Variants in SULF1 observed in about 807,000 individuals in gnomAD.
The protein encoded by SULF1 is extracellular sulfatase Sulf-1.
Under a neutral mutation model 110.5 loss-of-function variants are expected in SULF1, and 46 were observed. That is an observed-to-expected ratio of 0.42 (90% CI 0.33 to 0.53). The LOEUF (loss-of-function observed/expected upper bound fraction) is 0.53, where lower values mean the gene tolerates loss of function less well. SULF1 is among the 20% of genes least tolerant of loss of function. The pLI, the probability that SULF1 is intolerant of heterozygous loss-of-function variation, is 0.12. For missense variants in SULF1, 941 were observed against 1,094.2 expected (o/e 0.86, Z 1.98); for synonymous variants, 371 against 387.1 (o/e 0.96, Z 0.49).
chr8:69,625,281 G>A lies in SULF1; in HGVS notation c.1850+1084G>A, dbSNP rs182479348. The stretch of plus-strand genomic sequence containing the variant: ...TGGTATCCTGTTCATGAGGGTGTGA[G>A]CATTGAAAACTGCCTTGAAAAGTGG... On this transcript the variant is annotated intron_variant, in intron 15 of 22. Coordinates refer to ENST00000402687, the MANE Select transcript of SULF1 (RefSeq NM_001128205.2). Among the ~76,000 whole-genome samples, 22 of 152,324 alleles carry A rather than the reference G, an allele frequency of 1.4e-4. No homozygotes were observed. In the East Asian group the frequency reaches 4.2e-3, roughly 29 times the overall value.
chr8:69,485,745 C>G (rs544316822), intron 1 of SULF1, among the ~76,000 whole-genome samples: 1 of 152,218 alleles, frequency 6.6e-6, no homozygotes, highest in Non-Finnish European at 1.5e-5. Context: ...CACTCCTGCC[C>G]TCTGGCATGT....
chr8:69,550,068 C>A (rs970129261), intron 3 of SULF1, among the ~76,000 whole-genome samples: 1 of 151,416 alleles, frequency 6.6e-6, no homozygotes, highest in African/African-American at 2.4e-5. Context: ...CTCATTTTTG[C>A]CCCCCAAAAT....
At chr8:69,526,798 A>AAAGGAAGT (rs1812705521) in intron 3 of SULF1, among the ~76,000 whole-genome samples, 1 of 112,198 alleles carries the variant, frequency 8.9e-6, no homozygotes, top group Non-Finnish European at 1.8e-5. Flanking sequence ...GTCAAGAAAG[A>AAAGGAAGT]AAGGAAGGAA....
At chr8:69,507,001 A>C (rs1295857185) in intron 3 of SULF1, among the ~76,000 whole-genome samples, 3 of 152,224 alleles carry the variant, frequency 2.0e-5, no homozygotes, top group African/African-American at 7.2e-5. Flanking sequence ...CCGTGCTCAC[A>C]TGAAACTATT....
intron 3 of SULF1, 46 bp downstream of exon 3, chr8:69,502,014 G>C (rs1810831970): frequency 2.6e-5 from 4 of 152,150 alleles, no homozygotes. Flanking sequence ...GGACCACCTG[G>C]GCACTCTATG....
intron 1 of SULF1, among the ~76,000 whole-genome samples, chr8:69,468,118 C>T (rs796770543): frequency 1.3e-5 from 2 of 152,302 alleles, no homozygotes; most frequent in Admixed American, 6.5e-5. Context: ...ACTTGCCCTC[C>T]GATAGCAACA....
chr8:69,557,716 A>G (rs16919161), intron 3 of SULF1, among the ~76,000 whole-genome samples: 2,673 of 152,308 alleles, frequency 0.018, 74 homozygotes, highest in African/African-American at 0.061. Context: ...CTCACCATAC[A>G]CCAGGGATAA....
intron 22 of SULF1, among the ~76,000 whole-genome samples, chr8:69,645,899 TATTA>T (rs1157916476): frequency 1.3e-5 from 2 of 151,670 alleles, no homozygotes; most frequent in African/African-American, 4.8e-5. Context: ...TAATTATTTA[TATTA>T]ATTATTATTT....
upstream of SULF1, among the ~76,000 whole-genome samples, chr8:69,491,021 C>A (rs964627841): frequency 2.0e-5 from 3 of 152,112 alleles, no homozygotes; most frequent in African/African-American, 7.2e-5. Flanking sequence ...TTCTTTAAAA[C>A]CTGAATTGGT....
In SULF1 at chr8:69,627,789, T is replaced by TA; in HGVS notation, c.1969dup (p.Ile657AsnfsTer2). 1 of 1,611,456 alleles carries TA rather than the reference T, an allele frequency of 6.2e-7. No individual in the cohort carries two copies. The highest frequency in any genetic ancestry group is 1.1e-5 in the South Asian group (1 of 90,258). On this transcript the variant is annotated frameshift_variant, in exon 17 of 23. Coordinates refer to ENST00000402687, the MANE Select transcript of SULF1 (RefSeq NM_001128205.2). LOFTEE classifies it high-confidence loss of function. ...TTTTCCAGATTGAAGCTCTGCAAGA[T>TA]AAAATTAAGAATTTAAGAGAAGTGA...
At chr8:69,477,363 T>A (rs1809342581) in intron 1 of SULF1, among the ~76,000 whole-genome samples, 1 of 152,208 alleles carries the variant, frequency 6.6e-6, no homozygotes, top group South Asian at 2.1e-4. Flanking sequence ...TCATCTAACA[T>A]TCTGGTGAAC....
chr8:69,584,048 C>G (rs1156437546), intron 6 of SULF1, among the ~76,000 whole-genome samples: 1 of 152,130 alleles, frequency 6.6e-6, no homozygotes, highest in Non-Finnish European at 1.5e-5. Flanking sequence ...GGATTTTGTC[C>G]AAACTCAAAG....
intron 1 of SULF1, among the ~76,000 whole-genome samples, chr8:69,483,812 A>G (rs1316113998): frequency 6.6e-6 from 1 of 152,160 alleles, no homozygotes; most frequent in Admixed American, 6.5e-5. Flanking sequence ...AAACAAAAAC[A>G]TTCTCTTAAA....
chr8:69,515,326 G>T (rs939352774), intron 3 of SULF1, among the ~76,000 whole-genome samples: 2 of 152,222 alleles, frequency 1.3e-5, no homozygotes, highest in African/African-American at 4.8e-5. Flanking sequence ...CTTGGGGCTT[G>T]CATCCTCTGA....
chr8:69,591,409 T>A (rs1051287745), intron 8 of SULF1, among the ~76,000 whole-genome samples: 40 of 148,744 alleles, frequency 2.7e-4, no homozygotes, highest in African/African-American at 9.4e-4. Flanking sequence ...AAAAAAAAAA[T>A]AAAAATTAGC....
chr8:69,629,577 AAGG>A lies in SULF1; in HGVS notation c.2185_2187del (p.Glu729del). 6.2e-7 allele frequency: 1 copy of A among 1,614,050 alleles called. No homozygotes were observed. The highest frequency in any genetic ancestry group is 2.2e-5 in the East Asian group (1 of 44,874). On this transcript the variant is annotated inframe_deletion, in exon 19 of 23. Coordinates refer to ENST00000402687, the MANE Select transcript of SULF1 (RefSeq NM_001128205.2). Reference sequence around the variant, plus strand: ...CAACCGTAGGAGGAAGAAGGAGAGGAAGGAGAAGAGACGGCAGAGGAAGGGGGA... The same window carrying A: ...CAACCGTAGGAGGAAGAAGGAGAGGAAGAAGAGACGGCAGAGGAAGGGGGA...
At chr8:69,514,099 A>ATTCAGC in intron 3 of SULF1, among the ~76,000 whole-genome samples, 1 of 152,256 alleles carries the variant, frequency 6.6e-6, no homozygotes, top group South Asian at 2.1e-4. Context: ...TTGCTGACTG[A>ATTCAGC]ACTCTAAGAT....
intron 13 of SULF1, among the ~76,000 whole-genome samples, chr8:69,606,391 A>G (rs1808221736): frequency 6.6e-6 from 1 of 152,244 alleles, no homozygotes; most frequent in Admixed American, 6.5e-5. Flanking sequence ...AAATATTATT[A>G]TGAATAAAAC....
At chr8:69,630,796 T>C (rs13252661) in intron 19 of SULF1, among the ~76,000 whole-genome samples, 38,532 of 152,160 alleles carry the variant, frequency 0.25, 5,868 homozygotes, top group Non-Finnish European at 0.32. Flanking sequence ...GTAGTAATGC[T>C]ATGAAGGAAA....
Sources: gnomAD v4.1 joint callset for allele counts (sites outside exome capture counted in the v4.1 genomes callset) on GRCh38, gnomAD v4.1.1 for gene constraint, MANE v1.5 for transcripts, NCBI Gene and HGNC (gene_info 2026-07-23, HGNC 2026-07-21) for gene names.